The following DTL variants were observed in gnomAD, a reference collection of about 807,000 sequenced individuals.
DTL encodes denticleless E3 ubiquitin protein ligase adapter.
In DTL, 46 loss-of-function variants were observed where a neutral mutation model predicts 87.0. The ratio of observed to expected loss-of-function variants is 0.53; its 90% CI spans 0.42 to 0.68. The LOEUF (loss-of-function observed/expected upper bound fraction) is 0.68. Ranked by LOEUF, DTL falls within the 30% of genes least tolerant of loss-of-function variation. The pLI, the probability that DTL is intolerant of heterozygous loss-of-function variation, is 0.00. For synonymous variants in DTL, 308 were observed against 311.2 expected, an observed-to-expected ratio of 0.99 and a Z score of 0.11; for missense variants, 737 against 869.4, an observed-to-expected ratio of 0.85 and a Z score of 1.91.
rs909195468 is a variant in DTL at position 212,044,555 on chromosome 1, A to C, written c.179-105A>C. On this transcript the variant is annotated intron_variant, in intron 2 of 14. Coordinates refer to ENST00000366991, the MANE Select transcript of DTL (RefSeq NM_016448.4). ...GGAGGTGGAGGTTGCAGTGAGCCAA[A>C]CTGCACTATTGCACTCCAGTCTGGG... 4.7e-6 allele frequency: 3 copies of C among 641,840 alleles called. No individual in the cohort carries two copies. In the African/African-American group the frequency reaches 5.6e-5, roughly 12 times the overall value. 39.8% of individuals were successfully genotyped at this position (641,840 alleles called of 1,614,324 possible). A position where few individuals can be genotyped will look rare whatever the true frequency, so the allele number is the denominator to read the frequency against.
At chr1:212,054,017 G>A (rs1668080442) in intron 5 of DTL, among the ~76,000 whole-genome samples, 1 of 152,190 alleles carries the variant, frequency 6.6e-6, no homozygotes, top group African/African-American at 2.4e-5. Context: ...ATATTGCTTA[G>A]AAAAGAGTTG....
intron 1 of DTL, among the ~76,000 whole-genome samples, chr1:212,040,933 G>A (rs1316638520): frequency 6.6e-6 from 1 of 152,166 alleles, no homozygotes; most frequent in Non-Finnish European, 1.5e-5. Flanking sequence ...TTGACTATAG[G>A]CAACTGAAAC....
rs753618160 is a variant in DTL at position 212,043,018 on chromosome 1, A to G, written c.78A>G (p.Gln26=). Residue 26 remains glutamine, a synonymous_variant, in exon 2 of 15, where the codon CAA becomes CAG. Transcript: ENST00000366991. ...GATGGTCTTCACAATACCCTCTTCA[A>G]TCCCTTCTGACTGGTTATCAGTGCA... ...RNGWSSQYPL[Q]SLLTGYQCSG... is the part of the protein sequence containing the mutation. 35 of 1,611,442 alleles carry G rather than the reference A, an allele frequency of 2.2e-5. No homozygotes were observed. Among genetic ancestry groups the G allele is most frequent in the Admixed American group, 3.4e-5 (2 of 59,632 alleles).
chr1:212,042,477 G>A (rs3010023), intron 1 of DTL, among the ~76,000 whole-genome samples: 83,242 of 152,122 alleles, frequency 0.55, 23,095 homozygotes, highest in Middle Eastern at 0.6. Context: ...TGCTGCTATT[G>A]ACATTTTAGA....
At chr1:212,041,935 C>G (rs975613814) in intron 1 of DTL, among the ~76,000 whole-genome samples, 6 of 152,282 alleles carry the variant, frequency 3.9e-5, no homozygotes, top group African/African-American at 1.4e-4. Flanking sequence ...TCTGTTGATT[C>G]ATTCAGATTA....
intron 5 of DTL, among the ~76,000 whole-genome samples, chr1:212,059,429 C>G (rs772040786): frequency 2.0e-5 from 3 of 152,062 alleles, no homozygotes. Flanking sequence ...ACCATATGAT[C>G]ATTTTAGTAG....
intron 14 of DTL, 66 bp downstream of exon 14, chr1:212,101,150 A>C (rs1177119622): frequency 1.6e-5 from 18 of 1,103,916 alleles, no homozygotes; most frequent in African/African-American, 5.4e-5. Context: ...CAGATGTCTC[A>C]AGTCAGGATG....
At chr1:212,073,400 A>C (rs1218505546) in intron 11 of DTL, among the ~76,000 whole-genome samples, 2 of 152,200 alleles carry the variant, frequency 1.3e-5, no homozygotes. Flanking sequence ...AATGTCTAAA[A>C]CTTCATAGAT....
chr1:212,093,659 G>A (rs1045779133), intron 13 of DTL, among the ~76,000 whole-genome samples: 3 of 152,186 alleles, frequency 2.0e-5, no homozygotes, highest in African/African-American at 7.2e-5. Flanking sequence ...CTGCCAGCGT[G>A]CTTCTCAACG....
intron 5 of DTL, among the ~76,000 whole-genome samples, chr1:212,059,915 A>G (rs946999671): frequency 2.0e-5 from 3 of 152,122 alleles, no homozygotes; most frequent in Non-Finnish European, 4.4e-5. Context: ...TCAGGAAGGC[A>G]ATCCCATTTA....
At chr1:212,063,969 T>G (rs1275827912) in intron 6 of DTL, among the ~76,000 whole-genome samples, 1 of 151,110 alleles carries the variant, frequency 6.6e-6, no homozygotes, top group Non-Finnish European at 1.5e-5. Context: ...CTCATCTCGC[T>G]GCAACCTCCG....
At chr1:212,062,824 AAT>A (rs1419257966) in intron 5 of DTL, 58 bp from the exon 6 acceptor site, 2 of 1,384,864 alleles carry the variant, frequency 1.4e-6, no homozygotes, top group Non-Finnish European at 2.1e-6. Context: ...TGTAAACTGA[AAT>A]ATATGTGTCA....
At chr1:212,071,864 A>G (rs990230013) in intron 10 of DTL, among the ~76,000 whole-genome samples, 1 of 152,002 alleles carries the variant, frequency 6.6e-6, no homozygotes, top group Non-Finnish European at 1.5e-5. Context: ...TGATATTGCC[A>G]TTTTCGTACC....
At chr1:212,055,466 T>C (rs184635362) in intron 5 of DTL, among the ~76,000 whole-genome samples, 1 of 152,288 alleles carries the variant, frequency 6.6e-6, no homozygotes, top group East Asian at 1.9e-4. Flanking sequence ...CCAGACTGTG[T>C]CCTGCCCTGC....
intron 13 of DTL, among the ~76,000 whole-genome samples, chr1:212,081,065 A>G (rs1033641005): frequency 1.3e-5 from 2 of 152,206 alleles, no homozygotes; most frequent in Admixed American, 1.3e-4. Flanking sequence ...TAGAGCTAAC[A>G]TATTAGTGTG....
chr1:212,061,918 A>G (rs1339788752), intron 5 of DTL, among the ~76,000 whole-genome samples: 1 of 152,176 alleles, frequency 6.6e-6, no homozygotes. Context: ...GTTAGATAGA[A>G]GGTGTAAGTT....
intron 13 of DTL, among the ~76,000 whole-genome samples, chr1:212,098,128 GGAA>G (rs2102586266): frequency 1.3e-5 from 2 of 152,326 alleles, no homozygotes; most frequent in South Asian, 4.1e-4. Flanking sequence ...GGAGGTGGTA[GGAA>G]AGGAGTGAAG....
intron 13 of DTL, among the ~76,000 whole-genome samples, chr1:212,095,845 A>G (rs1053428501): frequency 2.6e-5 from 4 of 151,898 alleles, no homozygotes; most frequent in African/African-American, 9.7e-5. Context: ...CTTTTTTGTC[A>G]TGTCCTTTCC....
intron 3 of DTL, among the ~76,000 whole-genome samples, chr1:212,046,324 A>T (rs1667806521): frequency 1.3e-5 from 2 of 152,080 alleles, no homozygotes; most frequent in Non-Finnish European, 1.5e-5. Context: ...CATGTGCAGG[A>T]CATGCAGGTT....
Sources: gnomAD v4.1 joint callset for allele counts (sites outside exome capture counted in the v4.1 genomes callset) on GRCh38, gnomAD v4.1.1 for gene constraint, MANE v1.5 for transcripts, NCBI Gene and HGNC (gene_info 2026-07-23, HGNC 2026-07-21) for gene names.